The following SLC45A1 variants were observed in gnomAD, a reference collection of about 807,000 sequenced individuals.
The protein encoded by SLC45A1 is solute carrier family 45 member 1.
Under a neutral mutation model 57.6 loss-of-function variants are expected in SLC45A1, and 28 were observed. That is an observed-to-expected ratio of 0.49 (90% confidence interval 0.36 to 0.67). The LOEUF is 0.67. Among genes scored for constraint, SLC45A1 ranks in the 30% least tolerant of loss-of-function variants. SLC45A1 has a pLI of 0.00. For missense variants in SLC45A1, 814 were observed against 1,041.5 expected (o/e 0.78, Z 3.01); for synonymous variants, 459 against 471.5 (o/e 0.97, Z 0.34).
intron 4 of SLC45A1, among the ~76,000 whole-genome samples, chr1:8,329,654 C>T (rs1037856262): frequency 5.9e-5 from 9 of 152,234 alleles, no homozygotes; most frequent in Non-Finnish European, 4.4e-5. Context: ...AGCAGTGATC[C>T]GATCCCTGCT....
chr1:8,325,230 G>A lies in SLC45A1; in HGVS notation c.398-68G>A, dbSNP rs1229503235. The A allele has an allele frequency of 2.0e-6, 2 of 979,742 alleles. No individual in the cohort carries two copies. Among genetic ancestry groups the A allele is most frequent in the African/African-American group, 1.6e-5 (1 of 61,620 alleles). 60.7% of individuals were successfully genotyped at this position (979,742 alleles called of 1,614,324 possible). A position where few individuals can be genotyped will look rare whatever the true frequency, so the allele number is the denominator to read the frequency against. On this transcript the variant is annotated intron_variant, in intron 2 of 8. Coordinates refer to ENST00000471889, the MANE Select transcript of SLC45A1 (RefSeq NM_001080397.3). The surrounding 1 kb of genome is among the most constrained non-coding windows in gnomAD (Gnocchi z 6.3). ...TGAGAGCAGGCACTTCAGGAATGTG[G>A]AGGCTGATTCGATGTCCCCATGTGC...
At chr1:8,339,733 T>C in intron 8 of SLC45A1, 35 bp downstream of exon 8, 1 of 1,585,572 alleles carries the variant, frequency 6.3e-7, no homozygotes, top group Non-Finnish European at 8.7e-7. Flanking sequence ...TCGGGTCTGC[T>C]TCTTGGAGAA....
At position 8,328,464 on chromosome 1, in the gene SLC45A1, A is replaced by C. The variant is rs1461737582; in HGVS notation, c.716-1745A>C. Among the ~76,000 whole-genome samples the C allele has an allele frequency of 1.3e-5, 2 of 152,240 alleles. No individual in the cohort carries two copies. Among genetic ancestry groups the C allele is most frequent in the Non-Finnish European group, 2.9e-5 (2 of 68,046 alleles). On this transcript the variant is annotated intron_variant, in intron 4 of 8. Transcript: ENST00000471889. The surrounding 1 kb of genome is among the most constrained non-coding windows in gnomAD (Gnocchi z 4.6). Reference sequence around the variant, plus strand: ...GCCGGGCGAGTGCTGGGCTTGGCAGAGAGGAAGAAGGACGTCGGTTTTTAC... The same window carrying C: ...GCCGGGCGAGTGCTGGGCTTGGCAGCGAGGAAGAAGGACGTCGGTTTTTAC...
rs149034992 is a variant in SLC45A1 at position 8,324,684 on chromosome 1, G to A, written c.355G>A (p.Asp119Asn). The change falls in exon 2 of 9, where the codon GAC becomes AAC. Residue 119 changes from aspartate to asparagine, a missense_variant. By Grantham distance (23) the Asp-to-Asn change is conservative (BLOSUM62 1). Transcript: ENST00000471889. Reference sequence around the variant, plus strand: ...GGTGCTCCTGCAGATGGGCCTGCCCGACCAGCTCTACAGCCTGGTGTGGTT... The same window carrying A: ...GGTGCTCCTGCAGATGGGCCTGCCCAACCAGCTCTACAGCCTGGTGTGGTT... ...TPVLLQMGLP[D>N]QLYSLVWFIS... The A allele has an allele frequency of 2.7e-5, 43 of 1,594,762 alleles. No individual in the cohort carries two copies. The highest frequency in any genetic ancestry group is 2.1e-4 in the East Asian group (9 of 43,732).
chr1:8,326,088 G>A lies in SLC45A1; in HGVS notation c.715+46G>A, dbSNP rs1218961895. 3 of 1,509,424 alleles carry A rather than the reference G, an allele frequency of 2.0e-6. No individual in the cohort carries two copies. The highest frequency in any genetic ancestry group is 2.7e-6 in the Non-Finnish European group (3 of 1,102,534). 93.5% of individuals were successfully genotyped at this position (1,509,424 alleles called of 1,614,324 possible). Reference sequence around the variant, plus strand: ...CGAAGCTGAATCTGCCGGGCTGCAGGCTTCAGACGTGTGGCTTTCGAGGCC... The same window carrying A: ...CGAAGCTGAATCTGCCGGGCTGCAGACTTCAGACGTGTGGCTTTCGAGGCC... On this transcript the variant is annotated intron_variant, in intron 4 of 8. Transcript: ENST00000471889. The surrounding 1 kb of genome is among the most constrained non-coding windows in gnomAD (Gnocchi z 5.5).
chr1:8,319,405 T>G (rs147968120), intron 1 of SLC45A1, among the ~76,000 whole-genome samples: 70 of 152,312 alleles, frequency 4.6e-4, no homozygotes, highest in African/African-American at 1.7e-3. Context: ...GTAGGATCAT[T>G]GTAAGCATTC....
Position 8,335,476 on chromosome 1 carries a change from G to A in SLC45A1, c.1483G>A (p.Glu495Lys), listed in dbSNP as rs770745708. ...GCTCAACGGCGTGAAGTATGAGAGC[G>A]AGCTGACGGGCTCCAGCGAGCGCGC... Reference protein sequence around the residue: ...ILLNGVKYESELTGSSERAEQ... With the variant: ...ILLNGVKYESKLTGSSERAEQ... Residue 495 changes from glutamate (E) to lysine (K), a missense_variant, in exon 6 of 9, where the codon GAG (glutamate) becomes AAG (lysine). Coordinates refer to ENST00000471889, the MANE Select transcript of SLC45A1 (RefSeq NM_001080397.3). The surrounding 1 kb of genome is among the most constrained non-coding windows in gnomAD (Gnocchi z 4.1). 27 of 1,600,350 alleles carry A rather than the reference G, an allele frequency of 1.7e-5. 1 individual carries two copies. The highest frequency in any genetic ancestry group is 3.3e-5 in the South Asian group (3 of 90,904).
chr1:8,341,212 A>AG (rs1170543217), intron 8 of SLC45A1, among the ~76,000 whole-genome samples: 1 of 150,834 alleles, frequency 6.6e-6, no homozygotes, highest in African/African-American at 2.4e-5. Context: ...AAAAAAAAAA[A>AG]AAAAGAGTAA....
At chr1:8,338,631 T>C (rs1640702497) in intron 7 of SLC45A1, among the ~76,000 whole-genome samples, 1 of 152,218 alleles carries the variant, frequency 6.6e-6, no homozygotes, top group Admixed American at 6.5e-5. Flanking sequence ...CGGTCTCTGT[T>C]GCAGCCCCTC....
At chr1:8,338,153 G>A (rs1437122192) in intron 7 of SLC45A1, among the ~76,000 whole-genome samples, 161 bp downstream of exon 7, 1 of 152,240 alleles carries the variant, frequency 6.6e-6, no homozygotes, top group Admixed American at 6.5e-5. Flanking sequence ...GGGCCTGGGG[G>A]AGCTGGGCTG....
At position 8,325,980 on chromosome 1, in the gene SLC45A1, T is replaced by C; in HGVS notation, c.653T>C (p.Met218Thr). Residue 218 changes from methionine to threonine, a missense_variant, in exon 4 of 9, where the codon ATG becomes ACG. Physicochemically the swap from Met to Thr is moderately conservative, Grantham distance 81. Coordinates refer to ENST00000471889, the MANE Select transcript of SLC45A1 (RefSeq NM_001080397.3). The surrounding 1 kb of genome is among the most constrained non-coding windows in gnomAD (Gnocchi z 6.3). The part of the protein sequence containing the change: ...DSADNPSHAY[M>T]MDVCSPADQD... ...GCGGACAACCCCAGCCACGCCTACA[T>C]GATGGACGTGTGCAGCCCCGCAGAC... The C allele has an allele frequency of 1.2e-6, 2 of 1,612,002 alleles. No individual in the cohort carries two copies. Among genetic ancestry groups the C allele is most frequent in the Non-Finnish European group, 1.7e-6 (2 of 1,180,010 alleles).
chr1:8,318,553 G>A (rs973901587), intron 1 of SLC45A1, among the ~76,000 whole-genome samples: 1 of 152,214 alleles, frequency 6.6e-6, no homozygotes, highest in African/African-American at 2.4e-5. Flanking sequence ...TCTTGCGTGG[G>A]GCTGAGCCCT....
intron 5 of SLC45A1, among the ~76,000 whole-genome samples, chr1:8,333,798 C>T (rs543218353): frequency 6.6e-5 from 10 of 152,306 alleles, no homozygotes; most frequent in Admixed American, 3.3e-4. Flanking sequence ...TGTGTGTGGC[C>T]GGGGTGTCTT....
At chr1:8,339,116 G>A (rs1318403153) in intron 7 of SLC45A1, among the ~76,000 whole-genome samples, 1 of 152,196 alleles carries the variant, frequency 6.6e-6, no homozygotes, top group African/African-American at 2.4e-5. Flanking sequence ...ATGGGCTGCT[G>A]TTGTACCCAC....
chr1:8,328,711 C>T lies in SLC45A1; in HGVS notation c.716-1498C>T, dbSNP rs555161652. Among the ~76,000 whole-genome samples the T allele has an allele frequency of 1.5e-3, 222 of 152,120 alleles. No homozygotes were observed. Among genetic ancestry groups the T allele is most frequent in the African/African-American group, 5.2e-3 (215 of 41,500 alleles). On this transcript the variant is annotated intron_variant, in intron 4 of 8. Coordinates refer to ENST00000471889, the MANE Select transcript of SLC45A1 (RefSeq NM_001080397.3). This position sits in a 1 kb window ranked among gnomAD's most constrained non-coding sequence, Gnocchi z 4.6. ...AAAATTAGCCGGGCGTGGTGGTGAG[C>T]GCCTGTAATCCCAGCTACTCGGGAG... is the stretch of plus-strand genomic sequence containing the variant.
chr1:8,331,256 T>C (rs1427305602), intron 5 of SLC45A1, among the ~76,000 whole-genome samples: 2 of 151,368 alleles, frequency 1.3e-5, no homozygotes, highest in East Asian at 3.9e-4. Context: ...TTAAAAAATA[T>C]TTTTAAAAAA....
intron 1 of SLC45A1, among the ~76,000 whole-genome samples, chr1:8,319,871 CATGCCCAGCTAA>C (rs1399076954): frequency 6.6e-6 from 1 of 152,114 alleles, no homozygotes; most frequent in Non-Finnish European, 1.5e-5. Context: ...CACTCGCCAC[CATGCCCAGCTAA>C]TTTTTTGTAT....
chr1:8,329,619 C>G (rs1051839097), intron 4 of SLC45A1, among the ~76,000 whole-genome samples: 1 of 152,200 alleles, frequency 6.6e-6, no homozygotes, highest in Non-Finnish European at 1.5e-5. Context: ...TGCCCCGAGG[C>G]GTGGAATGAG....
chr1:8,330,878 C>T lies in SLC45A1; in HGVS notation c.1385C>T (p.Ala462Val). 1 of 1,605,834 alleles carries T rather than the reference C, an allele frequency of 6.2e-7. No individual in the cohort carries two copies. Among genetic ancestry groups the T allele is most frequent in the Non-Finnish European group, 8.5e-7 (1 of 1,174,162 alleles). Reference protein sequence around the residue: ...KRPQTLAIPDAAGGGGPETSR... With the variant: ...KRPQTLAIPDVAGGGGPETSR... ...CCTCAGACCTTGGCCATCCCGGACG[C>T]AGCCGGAGGAGGGGGTCCCGAAACC... The change falls in exon 5 of 9, where the codon GCA becomes GTA. Residue 462 changes from alanine to valine, a missense_variant. Coordinates refer to ENST00000471889, the MANE Select transcript of SLC45A1 (RefSeq NM_001080397.3). The surrounding 1 kb of genome is among the most constrained non-coding windows in gnomAD (Gnocchi z 8.4).
Sources: gnomAD v4.1 joint callset for allele counts (sites outside exome capture counted in the v4.1 genomes callset) on GRCh38, gnomAD v4.1.1 for gene constraint, Gnocchi (gnomAD v3.1) non-coding constraint, MANE v1.5 for transcripts, NCBI Gene and HGNC (gene_info 2026-07-23, HGNC 2026-07-21) for gene names.